USH2A: variants seen among roughly 807,000 people sequenced by gnomAD.
USH2A encodes the protein Usher syndrome 2A (autosomal recessive, mild).
A neutral mutation model predicts 538.9 loss-of-function variants in USH2A; 443 were observed. The observed-to-expected ratio is 0.82, with a 90% CI of 0.76 to 0.89. The LOEUF is 0.89. Ranked by LOEUF, USH2A falls within the 40% of genes least tolerant of loss-of-function variation. The pLI, the probability that USH2A is intolerant of heterozygous loss-of-function variation, is 0.00. For synonymous variants in USH2A, 2,413 were observed against 2,273.5 expected, an observed-to-expected ratio of 1.06 and a Z score of -1.75; for missense variants, 6,633 against 6,324.8, an observed-to-expected ratio of 1.05 and a Z score of -1.65.
intron 10 of USH2A, among the ~76,000 whole-genome samples, chr1:216,291,254 T>G (rs2102609227): frequency 6.6e-6 from 1 of 152,224 alleles, no homozygotes; most frequent in South Asian, 2.1e-4. Flanking sequence ...CATCTTATGG[T>G]TTTTCAAACG....
chr1:215,974,643 T>C (rs935839605), intron 35 of USH2A, among the ~76,000 whole-genome samples: 2 of 152,182 alleles, frequency 1.3e-5, no homozygotes, highest in East Asian at 3.8e-4. Flanking sequence ...TCCAGCTTCA[T>C]AGATGTTGCT....
chr1:216,046,873 A>G (rs1024637649), intron 31 of USH2A, among the ~76,000 whole-genome samples: 8 of 152,168 alleles, frequency 5.3e-5, no homozygotes, highest in African/African-American at 1.7e-4. Context: ...CATAATCTCT[A>G]TGTGGGACTG....
chr1:216,187,115 A>G (rs768306523), intron 20 of USH2A, among the ~76,000 whole-genome samples: 1 of 151,912 alleles, frequency 6.6e-6, no homozygotes, highest in Non-Finnish European at 1.5e-5. Context: ...AGTCTTTACC[A>G]TTCTTTTATA....
At chr1:216,253,261 C>T (rs1231831471) in intron 11 of USH2A, among the ~76,000 whole-genome samples, 1 of 151,554 alleles carries the variant, frequency 6.6e-6, no homozygotes, top group Non-Finnish European at 1.5e-5. Flanking sequence ...TCACTGCAAC[C>T]TCCGCCTCCC....
At chr1:216,332,434 T>C (rs1001853681) in intron 4 of USH2A, among the ~76,000 whole-genome samples, 1 of 151,990 alleles carries the variant, frequency 6.6e-6, no homozygotes, top group Non-Finnish European at 1.5e-5. Flanking sequence ...GCTTTGCAAA[T>C]CCTTAAAAAA....
At chr1:216,186,344 T>A (rs989629041) in intron 20 of USH2A, among the ~76,000 whole-genome samples, 3 of 151,902 alleles carry the variant, frequency 2.0e-5, no homozygotes, top group African/African-American at 7.2e-5. Flanking sequence ...GAGTCACCAG[T>A]GACCTCGCAT....
At chr1:215,717,189 C>T (rs185435889) in intron 61 of USH2A, among the ~76,000 whole-genome samples, 1 of 152,090 alleles carries the variant, frequency 6.6e-6, no homozygotes, top group Non-Finnish European at 1.5e-5. Flanking sequence ...AAGTAGAAAC[C>T]TGTTTTGTCC....
intron 61 of USH2A, among the ~76,000 whole-genome samples, chr1:215,710,867 A>G (rs1489922471): frequency 1.3e-5 from 2 of 152,046 alleles, no homozygotes; most frequent in African/African-American, 4.8e-5. Flanking sequence ...TTGAAGGTAA[A>G]AGTTCAGAAT....
At chr1:216,315,722 T>C (rs1417357233) in intron 9 of USH2A, among the ~76,000 whole-genome samples, 1 of 152,192 alleles carries the variant, frequency 6.6e-6, no homozygotes, top group African/African-American at 2.4e-5. Flanking sequence ...TATAAATCTA[T>C]AATTATCTCA....
chr1:216,318,530 T>C (rs985668068), intron 9 of USH2A, among the ~76,000 whole-genome samples: 3 of 152,178 alleles, frequency 2.0e-5, no homozygotes, highest in Admixed American at 1.3e-4. Context: ...GAAAATATCA[T>C]AGGACTGAGA....
chr1:216,297,332 A>G (rs2102617559), intron 9 of USH2A, among the ~76,000 whole-genome samples: 1 of 152,230 alleles, frequency 6.6e-6, no homozygotes, highest in South Asian at 2.1e-4. Flanking sequence ...AGTAACATTA[A>G]CAATGACAAT....
At chr1:215,902,296 T>A (rs919995344) in intron 38 of USH2A, among the ~76,000 whole-genome samples, 2 of 152,176 alleles carry the variant, frequency 1.3e-5, no homozygotes, top group African/African-American at 2.4e-5. Flanking sequence ...AAGCTGTCTG[T>A]GAACAATGAG....
intron 46 of USH2A, among the ~76,000 whole-genome samples, chr1:215,841,874 T>C (rs1440705211): frequency 6.6e-6 from 1 of 151,856 alleles, no homozygotes; most frequent in Non-Finnish European, 1.5e-5. Flanking sequence ...TCAAAAAAAA[T>C]GGGCAAAGGA....
intron 4 of USH2A, among the ~76,000 whole-genome samples, chr1:216,343,538 A>G (rs1387482082): frequency 6.6e-6 from 1 of 151,710 alleles, no homozygotes; most frequent in African/African-American, 2.4e-5. Context: ...AAAAAAAAAA[A>G]AAAGACAGTA....
Position 216,411,637 on chromosome 1 carries a change from C to T in USH2A, c.651+6877G>A, listed in dbSNP as rs968163256. Among the ~76,000 whole-genome samples the T allele has an allele frequency of 1.1e-4, 16 of 152,136 alleles. No individual in the cohort carries two copies. In the East Asian group the frequency reaches 1.2e-3, roughly 11 times the overall value. On this transcript the variant is annotated intron_variant, in intron 3 of 71. Transcript: ENST00000307340. ...TGGGTGGTGGCTACACTGGGCACTC[C>T]TCTTTTCTTTTCTGGGTTCCCGGCC...
At chr1:215,645,471 C>T (rs575419651) in intron 67 of USH2A, among the ~76,000 whole-genome samples, 4 of 152,244 alleles carry the variant, frequency 2.6e-5, no homozygotes, top group South Asian at 2.1e-4. Flanking sequence ...ATCCTGGAAT[C>T]GCAGTACACA....
At chr1:216,410,971 C>A (rs756287789) in intron 3 of USH2A, among the ~76,000 whole-genome samples, 1 of 152,154 alleles carries the variant, frequency 6.6e-6, no homozygotes, top group Non-Finnish European at 1.5e-5. Context: ...TCCCTCACTG[C>A]AGCCAAAGTG....
intron 59 of USH2A, 44 bp downstream of exon 59, chr1:215,743,133 A>G: frequency 6.3e-7 from 1 of 1,597,418 alleles, no homozygotes; most frequent in Non-Finnish European, 8.5e-7. Flanking sequence ...TTAATGAAAT[A>G]CTTTTTCATA....
At chr1:215,869,123 C>T (rs1250715808) in intron 43 of USH2A, among the ~76,000 whole-genome samples, 1 of 152,132 alleles carries the variant, frequency 6.6e-6, no homozygotes, top group Admixed American at 6.5e-5. Context: ...ATTCATTCCT[C>T]ACAAAACTCT....
Sources: gnomAD v4.1 joint callset for allele counts (sites outside exome capture counted in the v4.1 genomes callset) on GRCh38, gnomAD v4.1.1 for gene constraint, MANE v1.5 for transcripts, NCBI Gene and HGNC (gene_info 2026-07-23, HGNC 2026-07-21) for gene names.